Variants in MAGI2 observed in about 807,000 individuals in gnomAD.
The protein encoded by MAGI2 is membrane-associated guanylate kinase, WW and PDZ domain-containing protein 2.
In MAGI2, 35 loss-of-function variants were observed where a neutral mutation model predicts 133.3. The observed-to-expected ratio is 0.26, with a 90% CI of 0.20 to 0.35. The LOEUF is 0.35. Ranked by LOEUF, MAGI2 falls within the 10% of genes least tolerant of loss-of-function variation. The pLI is 1.00. For synonymous variants in MAGI2, 729 were observed against 710.6 expected (o/e 1.03, Z -0.41); for missense variants, 1,636 against 1,863.4 (o/e 0.88, Z 2.25).
intron 2 of MAGI2, among the ~76,000 whole-genome samples, chr7:78,928,610 TA>T (rs1799886414): frequency 1.3e-5 from 2 of 152,060 alleles, no homozygotes; most frequent in African/African-American, 4.8e-5. Context: ...GCCAATTAAA[TA>T]GAAGCAAGGT....
chr7:78,213,369 G>T (rs1222630239), intron 10 of MAGI2, among the ~76,000 whole-genome samples: 3 of 152,120 alleles, frequency 2.0e-5, no homozygotes, highest in Admixed American at 6.5e-5. Context: ...TTGTAGATTT[G>T]ATCTTGACTC....
chr7:79,166,869 A>T (rs1173080831), intron 1 of MAGI2, among the ~76,000 whole-genome samples: 2 of 152,070 alleles, frequency 1.3e-5, no homozygotes, highest in Non-Finnish European at 2.9e-5. Context: ...GGTACAGAAA[A>T]GAAAGATCAG....
At chr7:78,765,863 A>G (rs1824971968) in intron 2 of MAGI2, among the ~76,000 whole-genome samples, 1 of 152,208 alleles carries the variant, frequency 6.6e-6, no homozygotes, top group East Asian at 1.9e-4. Flanking sequence ...AGCCTGGAGC[A>G]CATTTTATAG....
At chr7:78,478,433 T>C (rs1978322) in intron 6 of MAGI2, among the ~76,000 whole-genome samples, 110,537 of 151,886 alleles carry the variant, frequency 0.73, 41,915 homozygotes, top group African/African-American at 0.93. Context: ...TTTCTATTTA[T>C]ATTTATTAGA....
chr7:78,039,665 G>A (rs571093905), intron 21 of MAGI2: 6 of 152,250 alleles, frequency 3.9e-5, no homozygotes, highest in South Asian at 2.1e-4. Context: ...TTTTAGAGGC[G>A]GTTCTGTTGA....
chr7:79,020,387 A>T (rs1048517775), intron 1 of MAGI2, among the ~76,000 whole-genome samples: 16 of 152,202 alleles, frequency 1.1e-4, no homozygotes, highest in African/African-American at 3.6e-4. Flanking sequence ...ATAAAATTTT[A>T]GAAAATCTGC....
intron 2 of MAGI2, among the ~76,000 whole-genome samples, chr7:78,934,488 G>T (rs1800370919): frequency 6.6e-6 from 1 of 152,080 alleles, no homozygotes; most frequent in African/African-American, 2.4e-5. Flanking sequence ...GAAAATGATT[G>T]CTTATCATTG....
chr7:79,403,113 T>C (rs1020225766), intron 1 of MAGI2, among the ~76,000 whole-genome samples: 7 of 152,188 alleles, frequency 4.6e-5, no homozygotes, highest in Non-Finnish European at 7.4e-5. Context: ...CCTGAAAATA[T>C]TGTCATTGTT....
chr7:79,253,239 T>C (rs1165537138), intron 1 of MAGI2, among the ~76,000 whole-genome samples: 1 of 152,218 alleles, frequency 6.6e-6, no homozygotes. Flanking sequence ...ATTTTCAAGT[T>C]AGGACAGAAG....
At chr7:78,737,408 C>T (rs1821967702) in intron 2 of MAGI2, among the ~76,000 whole-genome samples, 1 of 152,126 alleles carries the variant, frequency 6.6e-6, no homozygotes, top group Non-Finnish European at 1.5e-5. Context: ...AATAAAGGTT[C>T]ATTGATATGG....
chr7:78,038,801 T>C lies in MAGI2; in HGVS notation c.3707-18825A>G, dbSNP rs182603548. Among the ~76,000 whole-genome samples the C allele has an allele frequency of 2.2e-3, 330 of 152,348 alleles. 2 individuals are homozygous for C. The highest frequency in any genetic ancestry group is 3.3e-3 in the Non-Finnish European group (226 of 68,024). ...GCAGGAAGAATGAGAAATTCTATGCTTCACAGGCCAGTTTTTGTTTTCAAA... is the reference window on the plus strand; with the variant it reads ...GCAGGAAGAATGAGAAATTCTATGCCTCACAGGCCAGTTTTTGTTTTCAAA... On this transcript the variant is annotated intron_variant, in intron 21 of 21. Transcript: ENST00000354212.
In MAGI2 at chr7:78,256,504, C is replaced by A; in HGVS notation, c.1486G>T (p.Val496Phe). The change falls in exon 10 of 22, where the codon GTT becomes TTT. Residue 496 changes from valine (V) to phenylalanine (F), a missense_variant. Physicochemically the swap from Val to Phe is conservative, Grantham distance 50. Transcript: ENST00000354212. ...HADVVKLFQS[V>F]PIGQSVNLVL... ...AGGTTGACACTCTGACCAATAGGAA[C>A]AGACTGGAAAAGTTTGACAACATCT... 6.2e-7 allele frequency: 1 copy of A among 1,613,856 alleles called. No homozygotes were observed. Among genetic ancestry groups the A allele is most frequent in the Non-Finnish European group, 8.5e-7 (1 of 1,179,948 alleles).
intron 3 of MAGI2, chr7:78,619,036 T>C (rs1462710964): frequency 6.8e-6 from 1 of 147,990 alleles, no homozygotes; most frequent in Non-Finnish European, 1.5e-5. Context: ...AAAAAAGAAT[T>C]TCAAATGTTC....
At chr7:78,537,942 A>G (rs6956935) in intron 3 of MAGI2, among the ~76,000 whole-genome samples, 92,194 of 152,030 alleles carry the variant, frequency 0.61, 28,192 homozygotes, top group East Asian at 0.83. Context: ...GGGTTTTTCC[A>G]ATGTTATCTT....
At chr7:78,823,719 A>C (rs1191996856) in intron 2 of MAGI2, among the ~76,000 whole-genome samples, 1 of 152,238 alleles carries the variant, frequency 6.6e-6, no homozygotes, top group Non-Finnish European at 1.5e-5. Context: ...AGGTATCAAG[A>C]GAAAAAGAAA....
intron 2 of MAGI2, among the ~76,000 whole-genome samples, chr7:78,715,471 C>G (rs1281578963): frequency 6.6e-6 from 1 of 152,138 alleles, no homozygotes; most frequent in African/African-American, 2.4e-5. Flanking sequence ...TAGGAAATGC[C>G]TCTTTGCATA....
intron 2 of MAGI2, among the ~76,000 whole-genome samples, chr7:78,757,891 A>G (rs375047126): frequency 1.3e-5 from 2 of 152,206 alleles, no homozygotes; most frequent in African/African-American, 2.4e-5. Context: ...CGTGCATTTT[A>G]CCATAGAGTT....
At chr7:78,218,383 T>A (rs1788471315) in intron 10 of MAGI2, among the ~76,000 whole-genome samples, 1 of 152,250 alleles carries the variant, frequency 6.6e-6, no homozygotes, top group Non-Finnish European at 1.5e-5. Flanking sequence ...TTAAACTCAC[T>A]AGTAGTTGAC....
chr7:78,165,585 C>T (rs1322174463), intron 15 of MAGI2, among the ~76,000 whole-genome samples: 1 of 152,152 alleles, frequency 6.6e-6, no homozygotes, highest in Non-Finnish European at 1.5e-5. Flanking sequence ...CTTCCTAGCC[C>T]TTTTCCCACA....
Sources: allele counts gnomAD v4.1 joint callset (sites outside exome capture counted in the v4.1 genomes callset), GRCh38; gene constraint gnomAD v4.1.1; transcripts MANE v1.5; gene names NCBI Gene and HGNC (gene_info 2026-07-23, HGNC 2026-07-21).